Variants in SYT1 observed in about 807,000 individuals in gnomAD.
SYT1 encodes synaptotagmin-1.
SYT1 carries 8 observed loss-of-function variants against 44.8 expected under a neutral mutation model. That is an observed-to-expected ratio of 0.18 (90% CI 0.10 to 0.32). SYT1 has a LOEUF of 0.32. Ranked by LOEUF, SYT1 falls within the 10% of genes least tolerant of loss-of-function variation. The probability of loss-of-function intolerance (pLI) is 1.00; values close to 1 mark genes in which losing one functional copy is unlikely to be tolerated. For missense variants in SYT1, 286 were observed against 509.3 expected, an observed-to-expected ratio of 0.56 and a Z score of 4.22; for synonymous variants, 154 against 188.8, an observed-to-expected ratio of 0.82 and a Z score of 1.51.
chr12:79,361,306 A>T (rs77737103), intron 9 of SYT1, among the ~76,000 whole-genome samples: 4,989 of 152,256 alleles, frequency 0.033, 92 homozygotes, highest in Middle Eastern at 0.062. Flanking sequence ...ACAGAGAGGT[A>T]CATAACTTAC....
At chr12:79,448,857 T>C (rs1870877757) in intron 10 of SYT1, 61 bp from the exon 11 acceptor site, 1 of 1,497,276 alleles carries the variant, frequency 6.7e-7, no homozygotes, top group African/African-American at 1.4e-5. Flanking sequence ...CAAGGACGCT[T>C]TATAGTCGGG....
intron 4 of SYT1, among the ~76,000 whole-genome samples, chr12:79,238,173 A>G (rs905404316): frequency 6.6e-6 from 1 of 152,194 alleles, no homozygotes; most frequent in East Asian, 1.9e-4. Flanking sequence ...TGTAGGATAC[A>G]TTTAGTGGTA....
At chr12:79,136,689 T>C (rs1006077667) in intron 3 of SYT1, among the ~76,000 whole-genome samples, 2 of 152,214 alleles carry the variant, frequency 1.3e-5, no homozygotes, top group Non-Finnish European at 2.9e-5. Context: ...AAATGTTTCT[T>C]CTTGGTCAAT....
chr12:79,234,477 A>G (rs760144295), intron 4 of SYT1, among the ~76,000 whole-genome samples: 4 of 152,196 alleles, frequency 2.6e-5, no homozygotes, highest in Non-Finnish European at 5.9e-5. Context: ...CAAATTAGTT[A>G]TAACTGTTCC....
At chr12:79,026,747 T>C (rs1425124927) in intron 2 of SYT1, among the ~76,000 whole-genome samples, 1 of 145,380 alleles carries the variant, frequency 6.9e-6, no homozygotes, top group Non-Finnish European at 1.5e-5. Context: ...CTTAGGTTGT[T>C]TCCATTTCTT....
At chr12:78,939,785 G>A (rs1461401338) in intron 1 of SYT1, among the ~76,000 whole-genome samples, 1 of 152,132 alleles carries the variant, frequency 6.6e-6, no homozygotes, top group Non-Finnish European at 1.5e-5. Flanking sequence ...ATCTTCTACA[G>A]TCTCAGATCA....
intron 8 of SYT1, among the ~76,000 whole-genome samples, chr12:79,314,164 G>A (rs1336633280): frequency 3.4e-5 from 3 of 89,346 alleles, no homozygotes; most frequent in Admixed American, 1.5e-4. Context: ...GCGAGACTCC[G>A]TCTCAAAAAA....
intron 1 of SYT1, among the ~76,000 whole-genome samples, chr12:78,905,221 A>G (rs1009744318): frequency 6.6e-6 from 1 of 152,196 alleles, no homozygotes; most frequent in African/African-American, 2.4e-5. Context: ...AAAGAGATTA[A>G]TTATCTGGGG....
chr12:79,063,784 G>C (rs1360338126), intron 3 of SYT1, among the ~76,000 whole-genome samples: 1 of 151,996 alleles, frequency 6.6e-6, no homozygotes, highest in East Asian at 1.9e-4. Context: ...ACAGTAACAG[G>C]TACACTACCC....
At chr12:79,387,645 A>G (rs1406268954) in intron 9 of SYT1, among the ~76,000 whole-genome samples, 1 of 152,258 alleles carries the variant, frequency 6.6e-6, no homozygotes, top group African/African-American at 2.4e-5. Flanking sequence ...CAATTTTTAA[A>G]TATTTCTAGT....
At chr12:79,064,225 A>G (rs1875597406) in intron 3 of SYT1, among the ~76,000 whole-genome samples, 2 of 152,178 alleles carry the variant, frequency 1.3e-5, no homozygotes, top group Non-Finnish European at 2.9e-5. Flanking sequence ...AGAGACAGGG[A>G]AGAAAAGACT....
At chr12:78,999,897 T>C (rs1391715507) in intron 2 of SYT1, among the ~76,000 whole-genome samples, 1 of 152,190 alleles carries the variant, frequency 6.6e-6, no homozygotes, top group Non-Finnish European at 1.5e-5. Flanking sequence ...ACTTAATAGG[T>C]GCCAGGGTGC....
At chr12:79,435,951 A>G (rs150566183) in intron 9 of SYT1, among the ~76,000 whole-genome samples, 40 of 152,294 alleles carry the variant, frequency 2.6e-4, no homozygotes, top group African/African-American at 8.9e-4. Context: ...AAGGATATCT[A>G]TGGAAGTTAT....
chr12:79,010,190 G>A (rs904255458), intron 2 of SYT1, among the ~76,000 whole-genome samples: 1 of 152,106 alleles, frequency 6.6e-6, no homozygotes. Flanking sequence ...AATTAGAATT[G>A]AAAAGAGACC....
intron 3 of SYT1, among the ~76,000 whole-genome samples, chr12:79,117,758 A>T (rs1879383189): frequency 7.1e-6 from 1 of 140,598 alleles, no homozygotes; most frequent in African/African-American, 2.6e-5. Flanking sequence ...ACCAATCATT[A>T]ACACATGTAA....
intron 4 of SYT1, among the ~76,000 whole-genome samples, chr12:79,284,708 G>A (rs149857698): frequency 0.016 from 2,437 of 151,956 alleles, 38 homozygotes; most frequent in Non-Finnish European, 0.02. Flanking sequence ...GCATGGTGGC[G>A]TGTGCCTGAA....
In SYT1 at chr12:78,893,831, A is replaced by G. The variant is rs547563586; in HGVS notation, c.-217+28722A>G. 5.8e-3 allele frequency among the ~76,000 whole-genome samples: 879 copies of G among 151,780 alleles called. 8 individuals are homozygous for G. The highest frequency in any genetic ancestry group is 0.02 in the African/African-American group (837 of 41,482). On this transcript the variant is annotated intron_variant, in intron 1 of 10. Transcript: ENST00000261205. ...ATTTTATACGGATGATTCTGCCATA[A>G]CCAAGGCAATTATAAAAAATAATAA...
At chr12:79,327,379 G>A (rs530787739) in intron 8 of SYT1, among the ~76,000 whole-genome samples, 11 of 152,202 alleles carry the variant, frequency 7.2e-5, no homozygotes, top group South Asian at 4.2e-4. Context: ...TTCCCTGAAA[G>A]CTATAGGACT....
intron 1 of SYT1, among the ~76,000 whole-genome samples, chr12:78,977,181 A>G (rs1666352858): frequency 6.6e-6 from 1 of 152,190 alleles, no homozygotes; most frequent in Non-Finnish European, 1.5e-5. Context: ...ATATTGAAGT[A>G]TTTGATAGAG....
Sources: gnomAD v4.1 joint callset for allele counts (sites outside exome capture counted in the v4.1 genomes callset) on GRCh38, gnomAD v4.1.1 for gene constraint, MANE v1.5 for transcripts, NCBI Gene and HGNC (gene_info 2026-07-23, HGNC 2026-07-21) for gene names.